Variants in CALM2 observed in about 807,000 individuals in gnomAD.
The protein encoded by CALM2 is calmodulin-2.
In CALM2, 2 loss-of-function variants were observed where a neutral mutation model predicts 19.8. That is an observed-to-expected ratio of 0.10 (90% CI 0.04 to 0.32). CALM2 has a LOEUF of 0.32. Ranked by LOEUF, CALM2 falls within the 10% of genes least tolerant of loss-of-function variation. The pLI is 1.00. For missense variants in CALM2, 38 were observed against 178.7 expected (o/e 0.21, Z 4.49); for synonymous variants, 51 against 52.1 (o/e 0.98, Z 0.09).
Position 47,176,475 on chromosome 2 carries a change from C to T in CALM2, c.-32G>A. On this transcript the variant is annotated 5_prime_UTR_variant, in exon 1 of 6. Coordinates refer to ENST00000272298, the MANE Select transcript of CALM2 (RefSeq NM_001743.6). ...AGCGCTACCGGTTTCCGAGACGCGA[C>T]CACACAACCACTCAGCTCGCTCTCT... 1 of 1,613,802 alleles carries T rather than the reference C, an allele frequency of 6.2e-7. No homozygotes were observed. The highest frequency in any genetic ancestry group is 8.5e-7 in the Non-Finnish European group (1 of 1,179,964).
At chr2:47,161,946 C>A (rs1442824814) in intron 4 of CALM2, 88 bp from the exon 5 acceptor site, 3 of 1,082,016 alleles carry the variant, frequency 2.8e-6, no homozygotes, top group Middle Eastern at 4.4e-4. Flanking sequence ...CTAAATTTCA[C>A]ATTGGGGGAA....
At chr2:47,164,887 C>T (rs562738784) in intron 2 of CALM2, among the ~76,000 whole-genome samples, 13 of 152,318 alleles carry the variant, frequency 8.5e-5, no homozygotes, top group African/African-American at 1.7e-4. Context: ...CTCCAATTCG[C>T]GTACACCTTC....
At chr2:47,163,274 C>CA (rs1332386994) in intron 2 of CALM2, 1 of 152,190 alleles carries the variant, frequency 6.6e-6, no homozygotes, top group Non-Finnish European at 1.5e-5. Flanking sequence ...GAGTCTATAA[C>CA]AATGGGCTGA....
In CALM2 at chr2:47,160,496, C is replaced by G. The variant is rs1348822614; in HGVS notation, c.*280G>C. 9.7e-6 allele frequency: 3 copies of G among 310,702 alleles called. No individual in the cohort carries two copies. Among genetic ancestry groups the G allele is most frequent in the African/African-American group, 6.5e-5 (3 of 46,346 alleles). The allele number at this position is 310,702 out of a possible 1,614,324, so 19.2% of individuals were successfully genotyped here. ...AAAAAAGGCATAACCCAGATGTTCC[C>G]TCATTTGACCAACTCCATCTAAGTT... On this transcript the variant is annotated 3_prime_UTR_variant, in exon 6 of 6. Transcript: ENST00000272298.
chr2:47,172,461 TA>T, intron 1 of CALM2: 1 of 1,088,372 alleles, frequency 9.2e-7, no homozygotes, highest in Non-Finnish European at 1.3e-6. Context: ...AAAGCTAACC[TA>T]AAGAGTTAAA....
intron 5 of CALM2, among the ~76,000 whole-genome samples, chr2:47,161,174 A>C (rs1687142053): frequency 6.6e-6 from 1 of 152,224 alleles, no homozygotes; most frequent in Non-Finnish European, 1.5e-5. Flanking sequence ...TTTCTAAGTT[A>C]AGTAGTTACA....
intron 1 of CALM2, 141 bp from the exon 2 acceptor site, chr2:47,170,905 C>T: frequency 1.4e-6 from 1 of 720,358 alleles, no homozygotes; most frequent in East Asian, 2.6e-5. Context: ...ATAGAAAATG[C>T]ACACATCTAG....
At chr2:47,167,259 G>C (rs1433333529) in intron 2 of CALM2, among the ~76,000 whole-genome samples, 1 of 152,000 alleles carries the variant, frequency 6.6e-6, no homozygotes, top group Non-Finnish European at 1.5e-5. Flanking sequence ...ACTTCTTAAG[G>C]AAAAAATACT....
chr2:47,176,639 C>T, upstream of CALM2: 2 of 1,487,366 alleles, frequency 1.3e-6, no homozygotes, highest in South Asian at 1.3e-5. Context: ...CTTCTCGGGA[C>T]CCCTTTCTTC....
At chr2:47,170,145 G>T (rs995930282) in intron 2 of CALM2, among the ~76,000 whole-genome samples, 1 of 152,120 alleles carries the variant, frequency 6.6e-6, no homozygotes, top group African/African-American at 2.4e-5. Flanking sequence ...AACTAAAAGG[G>T]ACAAGATTTA....
chr2:47,173,371 T>TTA (rs1666737614), intron 1 of CALM2: 2 of 152,160 alleles, frequency 1.3e-5, no homozygotes, highest in Admixed American at 6.5e-5. Context: ...TGACTTGTTC[T>TTA]TACTCCCTTA....
intron 5 of CALM2, 108 bp from the exon 6 acceptor site, chr2:47,160,912 T>C: frequency 1.6e-6 from 1 of 626,864 alleles, no homozygotes; most frequent in Non-Finnish European, 2.8e-6. Flanking sequence ...TTTCCATTCC[T>C]CTCTTTCCTC....
rs1431764441 is a variant in CALM2 at position 47,169,581 on chromosome 2, A to C, written c.34+1153T>G. On this transcript the variant is annotated intron_variant, in intron 2 of 5. Transcript: ENST00000272298. The stretch of plus-strand genomic sequence containing the variant: ...AACAGTCAATACATGTAATTTACCA[A>C]CCTCAGAAAGTAAAAACTAAGTTTA... Among the ~76,000 whole-genome samples, 2 of 152,240 alleles carry C rather than the reference A, an allele frequency of 1.3e-5. 1 individual carries two copies.
At chr2:47,176,279 G>T (rs1029291116) in intron 1 of CALM2, 162 bp downstream of exon 1, 20 of 801,164 alleles carry the variant, frequency 2.5e-5, no homozygotes, top group Non-Finnish European at 3.5e-5. Context: ...GGGAGCACCT[G>T]CGACACAACC....
chr2:47,170,159 G>A (rs1028365879), intron 2 of CALM2, among the ~76,000 whole-genome samples: 7 of 152,066 alleles, frequency 4.6e-5, no homozygotes, highest in Non-Finnish European at 1.0e-4. Context: ...AGATTTAAGC[G>A]GCTTCATTTC....
At position 47,170,723 on chromosome 2, in the gene CALM2, G is replaced by GT; in HGVS notation, c.34+10dup. 1.2e-6 allele frequency: 2 copies of GT among 1,607,182 alleles called. No individual in the cohort carries two copies. The highest frequency in any genetic ancestry group is 2.2e-5 in the South Asian group (2 of 90,936). ...AATCTAATGGGTACAATCTAGCTGAGTATTTCTCACCTGCAATCTGCTCTT... is the reference window on the plus strand; with the variant it reads ...AATCTAATGGGTACAATCTAGCTGAGTTATTTCTCACCTGCAATCTGCTCTT... On this transcript the variant is annotated intron_variant, in intron 2 of 5. Coordinates refer to ENST00000272298, the MANE Select transcript of CALM2 (RefSeq NM_001743.6).
upstream of CALM2, chr2:47,176,717 A>C: frequency 7.2e-7 from 1 of 1,380,942 alleles, no homozygotes; most frequent in Non-Finnish European, 9.4e-7. Context: ...AGTGGGTTTC[A>C]TTTCCAGCGA....
chr2:47,176,534 C>A (rs373526087), upstream of CALM2: 8 of 1,581,086 alleles, frequency 5.1e-6, no homozygotes, highest in South Asian at 2.3e-5. Context: ...CCGCCCCCAG[C>A]GCCTCATAAA....
At chr2:47,162,860 G>A in intron 2 of CALM2, 198 bp from the exon 3 acceptor site, 7 of 480,914 alleles carry the variant, frequency 1.5e-5, no homozygotes, top group South Asian at 7.5e-5. Context: ...TACCAATGGA[G>A]GTAGCAATTG....
Sources: allele counts gnomAD v4.1 joint callset (sites outside exome capture counted in the v4.1 genomes callset), GRCh38; gene constraint gnomAD v4.1.1; transcripts MANE v1.5; gene names NCBI Gene and HGNC (gene_info 2026-07-23, HGNC 2026-07-21).